PDK2: variants seen among roughly 807,000 people sequenced by gnomAD.
The protein encoded by PDK2 is pyruvate dehydrogenase kinase 2.
PDK2 carries 34 observed loss-of-function variants against 50.4 expected under a neutral mutation model. The ratio of observed to expected loss-of-function variants is 0.68; its 90% CI spans 0.51 to 0.90. The LOEUF is 0.90. PDK2 is among the 40% of genes least tolerant of loss of function. The pLI is 0.00. For missense variants in PDK2, 377 were observed against 544.5 expected, an observed-to-expected ratio of 0.69 and a Z score of 3.06; for synonymous variants, 232 against 216.0, an observed-to-expected ratio of 1.07 and a Z score of -0.65.
chr17:50,106,914 G>T, intron 5 of PDK2, 31 bp downstream of exon 5: 22 of 1,596,374 alleles, frequency 1.4e-5, no homozygotes, highest in Non-Finnish European at 1.8e-5. Context: ...CTGGCCCGCA[G>T]AGAAGCCCCG....
In PDK2 at chr17:50,106,039, A is replaced by G; in HGVS notation, c.487A>G (p.Ile163Val). ...CCTGGACCGCTTCTACCTCAGCCGCATCTCCATCCGCATGCTCATCAACCA... is the reference window on the plus strand; with the variant it reads ...CCTGGACCGCTTCTACCTCAGCCGCGTCTCCATCCGCATGCTCATCAACCA... Reference protein sequence around the residue: ...YFLDRFYLSRISIRMLINQHT... With the variant: ...YFLDRFYLSRVSIRMLINQHT... Residue 163 changes from isoleucine (I) to valine (V), a missense_variant, in exon 4 of 11, where the codon ATC becomes GTC. Ile to Val is a conservative substitution (Grantham distance 29). This residue lies in a region of PDK2 where 63 missense variants were observed against 135.1 expected (regional missense o/e 0.47). Coordinates refer to ENST00000503176, the MANE Select transcript of PDK2 (RefSeq NM_002611.5). 1 of 1,607,850 alleles carries G rather than the reference A, an allele frequency of 6.2e-7. No homozygotes were observed. The highest frequency in any genetic ancestry group is 8.5e-7 in the Non-Finnish European group (1 of 1,177,242).
At chr17:50,100,301 T>C (rs1217584854) in intron 2 of PDK2, among the ~76,000 whole-genome samples, 1 of 152,196 alleles carries the variant, frequency 6.6e-6, no homozygotes, top group East Asian at 1.9e-4. Flanking sequence ...ACATTTCAAC[T>C]GGACAGACTT....
Position 50,108,252 on chromosome 17 carries a change from G to T in PDK2, c.762+20G>T, listed in dbSNP as rs770564968. The T allele has an allele frequency of 2.5e-6, 4 of 1,602,442 alleles. No individual in the cohort carries two copies. The highest frequency in any genetic ancestry group is 3.4e-6 in the Non-Finnish European group (4 of 1,173,278). ...TTCAAGGTGAGGAGGCTGGGAGCCG[G>T]TGCTTTGCGGGGAGCGTGAGTAGGG... is the stretch of plus-strand genomic sequence containing the variant. On this transcript the variant is annotated intron_variant, in intron 7 of 10. Coordinates refer to ENST00000503176, the MANE Select transcript of PDK2 (RefSeq NM_002611.5).
intron 5 of PDK2, 38 bp from the exon 6 acceptor site, chr17:50,107,038 G>A (rs1289668417): frequency 5.0e-6 from 8 of 1,585,748 alleles, no homozygotes; most frequent in Non-Finnish European, 6.9e-6. Context: ...CCTGCTGGGT[G>A]GGCCACCCAT....
rs763762473 is a variant in PDK2 at position 50,109,980 on chromosome 17, G to A, written c.1107G>A (p.Glu369=). The change falls in exon 11 of 11, where the codon GAG becomes GAA. Residue 369 remains glutamate, a synonymous_variant. Transcript: ENST00000503176. The surrounding 1 kb of genome is among the most constrained non-coding windows in gnomAD (Gnocchi z 5.0). ...AGGCCCTGTCCACGGACTCGGTGGA[G>A]CGCCTGCCTGTCTACAACAAGTCAG... The part of the protein sequence containing the change: ...YLKALSTDSV[E]RLPVYNKSAW... The A allele has an allele frequency of 1.8e-5, 29 of 1,581,700 alleles. No individual in the cohort carries two copies. Among genetic ancestry groups the A allele is most frequent in the South Asian group, 8.1e-5 (7 of 86,534 alleles).
chr17:50,095,317 G>T (rs1909870076), upstream of PDK2: 1 of 656,596 alleles, frequency 1.5e-6, no homozygotes, highest in Non-Finnish European at 2.6e-6. Context: ...TTGGCTGGGC[G>T]TTGGAATGCC....
upstream of PDK2, chr17:50,095,328 C>A: frequency 1.4e-6 from 1 of 730,908 alleles, no homozygotes; most frequent in African/African-American, 1.8e-5. Flanking sequence ...TTGGAATGCC[C>A]GCCAGGGCAA....
At chr17:50,103,875 G>C (rs1173354183) in intron 2 of PDK2, among the ~76,000 whole-genome samples, 1 of 152,086 alleles carries the variant, frequency 6.6e-6, no homozygotes, top group African/African-American at 2.4e-5. Context: ...ACGCCTCCCT[G>C]GGGGAGGCTG....
At chr17:50,098,243 A>T (rs958159728) in intron 2 of PDK2, among the ~76,000 whole-genome samples, 3 of 152,156 alleles carry the variant, frequency 2.0e-5, no homozygotes, top group Admixed American at 6.5e-5. Context: ...GCTAATCCTC[A>T]TTGACTTTGG....
At chr17:50,098,055 C>G (rs571705800) in intron 2 of PDK2, among the ~76,000 whole-genome samples, 224 of 152,304 alleles carry the variant, frequency 1.5e-3, no homozygotes, top group African/African-American at 5.3e-3. Flanking sequence ...ACAGTACCTT[C>G]CCGAAGAGCT....
intron 9 of PDK2, 28 bp downstream of exon 9, chr17:50,108,747 C>T: frequency 4.3e-6 from 6 of 1,391,912 alleles, no homozygotes; most frequent in Non-Finnish European, 5.9e-6. Flanking sequence ...CAGCCCCTCC[C>T]ACCTCCTGAG....
intron 4 of PDK2, 107 bp from the exon 5 acceptor site, chr17:50,106,687 C>A: frequency 1.1e-6 from 1 of 893,964 alleles, no homozygotes; most frequent in Non-Finnish European, 1.8e-6. Context: ...CTGGAGCCTA[C>A]AGAGGCATTG....
chr17:50,105,401 G>A lies in PDK2; in HGVS notation c.291G>A (p.Glu97=), dbSNP rs1410202420. The A allele has an allele frequency of 1.2e-6, 2 of 1,613,828 alleles. No individual in the cohort carries two copies. The highest frequency in any genetic ancestry group is 1.1e-5 in the South Asian group (1 of 91,038). Residue 97 remains glutamate (E), a synonymous_variant, in exon 3 of 11, where the codon GAG becomes GAA. Transcript: ENST00000503176. ...WYVQSLLDIM[E]FLDKDPEDHR... is the part of the protein sequence containing the mutation. ...TCCAGAGCCTCCTGGACATCATGGAGTTCCTGGACAAGGATCCCGAGGACC... is the reference window on the plus strand; with the variant it reads ...TCCAGAGCCTCCTGGACATCATGGAATTCCTGGACAAGGATCCCGAGGACC...
intron 2 of PDK2, chr17:50,098,579 G>C (rs1910065244): frequency 6.6e-6 from 1 of 152,190 alleles, no homozygotes; most frequent in Non-Finnish European, 1.5e-5. Context: ...CTTGACACTT[G>C]CAAAATGCAC....
At chr17:50,099,748 G>A (rs1233297203) in intron 2 of PDK2, among the ~76,000 whole-genome samples, 1 of 152,248 alleles carries the variant, frequency 6.6e-6, no homozygotes. Context: ...AGCTGAGATT[G>A]TGCCACTGCA....
chr17:50,103,047 A>G (rs891109126), intron 2 of PDK2, among the ~76,000 whole-genome samples: 9 of 152,238 alleles, frequency 5.9e-5, no homozygotes, highest in Non-Finnish European at 8.8e-5. Context: ...CTGTTGGCAG[A>G]TGAGAGACCC....
upstream of PDK2, chr17:50,095,273 C>T (rs1389013710): frequency 5.3e-6 from 3 of 567,744 alleles, no homozygotes; most frequent in African/African-American, 3.9e-5. Flanking sequence ...TTGTGAGTGG[C>T]CATTGGCGAC....
Position 50,103,611 on chromosome 17 carries a change from C to T in PDK2, c.261-1760C>T, listed in dbSNP as rs193249312. ...AGGCCCAGAGAGGTTCCATGACTTA[C>T]CCAGAGCCACACAGCTCCAAGTGCT... On this transcript the variant is annotated intron_variant, in intron 2 of 10. Transcript: ENST00000503176. 4.3e-3 allele frequency among the ~76,000 whole-genome samples: 648 copies of T among 152,292 alleles called. 1 individual carries two copies. The highest frequency in any genetic ancestry group is 8.7e-3 in the African/African-American group (363 of 41,546).
At chr17:50,097,856 T>G in intron 2 of PDK2, 1 of 336,416 alleles carries the variant, frequency 3.0e-6, no homozygotes, top group East Asian at 5.4e-5. Context: ...AAACCCCAAT[T>G]CAGGCTGATG....
Sources: gnomAD v4.1 joint callset for allele counts (sites outside exome capture counted in the v4.1 genomes callset) on GRCh38, gnomAD v4.1.1 for gene constraint, gnomAD v4.1.1 regional missense constraint, Gnocchi (gnomAD v3.1) non-coding constraint, MANE v1.5 for transcripts, NCBI Gene and HGNC (gene_info 2026-07-23, HGNC 2026-07-21) for gene names.